Variants in RMST observed in about 807,000 individuals in gnomAD.
RMST encodes the protein long intergenic non-protein coding RNA 54.
At chr12:97,555,125 C>A (rs1883609354) in intron 11 of RMST, among the ~76,000 whole-genome samples, 1 of 152,172 alleles carries the variant, frequency 6.6e-6, no homozygotes, top group South Asian at 2.1e-4. Flanking sequence ...CCTTTAATTG[C>A]ATGTCCCCCC....
chr12:97,546,145 T>A (rs1370102079), intron 11 of RMST, among the ~76,000 whole-genome samples: 1 of 152,112 alleles, frequency 6.6e-6, no homozygotes, highest in Non-Finnish European at 1.5e-5. Flanking sequence ...AATTTGGTAA[T>A]TTGGTTGTCA....
chr12:97,515,945 A>G (rs373076217), intron 10 of RMST, among the ~76,000 whole-genome samples: 4 of 152,108 alleles, frequency 2.6e-5, no homozygotes, highest in East Asian at 1.9e-4. Flanking sequence ...ATATTTTCCA[A>G]TTGTTTCACA....
chr12:97,504,764 C>A (rs1161649584), intron 10 of RMST, among the ~76,000 whole-genome samples: 1 of 152,176 alleles, frequency 6.6e-6, no homozygotes, highest in Non-Finnish European at 1.5e-5. Context: ...TATACCTTGG[C>A]TATCCTAATG....
chr12:97,527,236 G>A (rs542215867), intron 10 of RMST, among the ~76,000 whole-genome samples: 1 of 152,324 alleles, frequency 6.6e-6, no homozygotes, highest in Non-Finnish European at 1.5e-5. Context: ...ATCTGTAGCA[G>A]AGAGGAGCCG....
chr12:97,534,034 A>G (rs1206680198), intron 11 of RMST, among the ~76,000 whole-genome samples: 1 of 151,824 alleles, frequency 6.6e-6, no homozygotes, highest in Non-Finnish European at 1.5e-5. Flanking sequence ...AGAGAGTTGG[A>G]TAATACCTTG....
chr12:97,542,837 C>T (rs1393245574), intron 11 of RMST, among the ~76,000 whole-genome samples: 1 of 151,906 alleles, frequency 6.6e-6, no homozygotes, highest in Non-Finnish European at 1.5e-5. Flanking sequence ...CTCTTAAGTC[C>T]ACTTAATGAG....
intron 11 of RMST, among the ~76,000 whole-genome samples, chr12:97,547,676 C>A (rs1183501196): frequency 3.3e-5 from 5 of 152,070 alleles, no homozygotes; most frequent in Non-Finnish European, 7.4e-5. Context: ...TACCTGTTGG[C>A]CATTCGTCTG....
At chr12:97,550,709 A>ACTAGT (rs1303139566) in intron 11 of RMST, among the ~76,000 whole-genome samples, 2 of 152,248 alleles carry the variant, frequency 1.3e-5, no homozygotes, top group East Asian at 3.9e-4. Context: ...CTATTTTGCA[A>ACTAGT]TCCCGTGCCA....
At chr12:97,512,497 C>G (rs1357851995) in intron 10 of RMST, among the ~76,000 whole-genome samples, 3 of 152,180 alleles carry the variant, frequency 2.0e-5, no homozygotes, top group African/African-American at 7.2e-5. Context: ...GGTGCGTTTA[C>G]AATCCCTGAG....
intron 10 of RMST, among the ~76,000 whole-genome samples, chr12:97,512,178 C>T (rs774152383): frequency 4.6e-5 from 7 of 151,800 alleles, no homozygotes; most frequent in Admixed American, 1.3e-4. Flanking sequence ...ACTTTCGCAG[C>T]GAGTGTTACA....
intron 10 of RMST, among the ~76,000 whole-genome samples, chr12:97,529,569 C>G (rs1475015459): frequency 7.3e-6 from 1 of 136,468 alleles, no homozygotes; most frequent in Admixed American, 7.5e-5. Flanking sequence ...ATATAGAATT[C>G]TCTTTCAAAT....
At position 97,500,383 on chromosome 12, in the gene RMST, G is replaced by A. The variant is rs368207280; in HGVS notation, n.1340+4327G>A. Among the ~76,000 whole-genome samples, 16 of 152,192 alleles carry A rather than the reference G, an allele frequency of 1.1e-4. 2 individuals are homozygous for A. The South Asian group carries it at 3.1e-3, about 30-fold the overall frequency. On this transcript the variant is annotated intron_variant and non_coding_transcript_variant, in intron 10 of 13. Transcript: ENST00000640149. Reference sequence around the variant, plus strand: ...TTCATGGACTGAAATCAGGAAGCACGAGTGCTTCAGGATCCTCTACACAAA... The same window carrying A: ...TTCATGGACTGAAATCAGGAAGCACAAGTGCTTCAGGATCCTCTACACAAA...
Position 97,490,596 on chromosome 12 carries a change from C to T in RMST, n.645-1865C>T, listed in dbSNP as rs117602033. Among the ~76,000 whole-genome samples the T allele has an allele frequency of 8.2e-3, 1,250 of 152,200 alleles. 11 individuals are homozygous for T. The highest frequency in any genetic ancestry group is 0.013 in the Non-Finnish European group (903 of 68,010). On this transcript the variant is annotated intron_variant and non_coding_transcript_variant, in intron 5 of 13. Transcript: ENST00000640149. ...TCATTATCATCACCACCACCTCCAC[C>T]GCCGTCATCATTATCTTCATGTCAC...
chr12:97,540,948 A>ATAGATATAGATT lies in RMST; in HGVS notation n.1545+10100_1545+10101insTTAGATATAGAT, dbSNP rs1882452910. Reference sequence around the variant, plus strand: ...TAAATAGATAGAGAGATAGATAGATATAGATATAGATATAGATATAGATAT... The same window carrying ATAGATATAGATT: ...TAAATAGATAGAGAGATAGATAGATATAGATATAGATTTAGATATAGATATAGATATAGATAT... On this transcript the variant is annotated intron_variant and non_coding_transcript_variant, in intron 11 of 13. Coordinates refer to ENST00000640149, the Ensembl canonical transcript of RMST. 5.7e-5 allele frequency among the ~76,000 whole-genome samples: 5 copies of ATAGATATAGATT among 88,218 alleles called. No homozygotes were observed. In the South Asian group the frequency reaches 1.9e-3, roughly 34 times the overall value. 57.9% of individuals were successfully genotyped at this position (88,218 alleles called of 152,430 possible).
intron 5 of RMST, among the ~76,000 whole-genome samples, chr12:97,472,365 G>A (rs1183509458): frequency 6.6e-6 from 1 of 152,114 alleles, no homozygotes; most frequent in Non-Finnish European, 1.5e-5. Flanking sequence ...GGTTTGACAA[G>A]TAAGAATATG....
intron 10 of RMST, among the ~76,000 whole-genome samples, chr12:97,497,966 A>G (rs963235722): frequency 2.0e-5 from 3 of 152,282 alleles, no homozygotes; most frequent in East Asian, 1.9e-4. Flanking sequence ...AAATATGAAG[A>G]TCAATCATCC....
At chr12:97,483,232 C>T (rs181689600) in intron 5 of RMST, among the ~76,000 whole-genome samples, 8 of 152,194 alleles carry the variant, frequency 5.3e-5, no homozygotes, top group African/African-American at 1.4e-4. Context: ...GATGTGCTTT[C>T]GCTTAAGCCC....
At chr12:97,520,418 C>G (rs972492100) in intron 10 of RMST, among the ~76,000 whole-genome samples, 1 of 152,126 alleles carries the variant, frequency 6.6e-6, no homozygotes. Context: ...ATTGATGGGG[C>G]TCTTTGATCT....
intron 5 of RMST, among the ~76,000 whole-genome samples, chr12:97,471,191 G>A (rs1016234488): frequency 2.0e-4 from 30 of 152,104 alleles, no homozygotes; most frequent in African/African-American, 7.2e-4. Flanking sequence ...GTAAGAGTCA[G>A]ATTAATGTAG....
Sources: allele counts gnomAD v4.1 joint callset (sites outside exome capture counted in the v4.1 genomes callset), GRCh38; gene constraint gnomAD v4.1.1; transcripts MANE v1.5; gene names NCBI Gene and HGNC (gene_info 2026-07-23, HGNC 2026-07-21).